Variants in RBFOX2 observed in about 807,000 individuals in gnomAD.
RBFOX2 encodes RNA binding protein fox-1 homolog 2.
RBFOX2 carries 10 observed loss-of-function variants against 49.1 expected under a neutral mutation model. That is an observed-to-expected ratio of 0.20 (90% CI 0.13 to 0.35). The LOEUF (loss-of-function observed/expected upper bound fraction) is 0.35, where lower values mean the gene tolerates loss of function less well. Ranked by LOEUF, RBFOX2 falls within the 10% of genes least tolerant of loss-of-function variation. RBFOX2 has a pLI of 1.00. For synonymous variants in RBFOX2, 183 were observed against 187.4 expected (o/e 0.98, Z 0.19); for missense variants, 323 against 486.9 (o/e 0.66, Z 3.17).
chr22:35,857,008 G>A (rs1019683838), intron 1 of RBFOX2, among the ~76,000 whole-genome samples: 1 of 152,164 alleles, frequency 6.6e-6, no homozygotes, highest in Non-Finnish European at 1.5e-5. Context: ...CTCCAGCATG[G>A]GTGACAGAGC....
intron 1 of RBFOX2, among the ~76,000 whole-genome samples, chr22:35,821,422 C>T (rs1019252670): frequency 6.6e-5 from 10 of 151,394 alleles, no homozygotes; most frequent in South Asian, 6.3e-4. Flanking sequence ...GCCAACATGG[C>T]GAAACCCCGT....
At chr22:36,008,557 T>C (rs1603465830) in intron 1 of RBFOX2, among the ~76,000 whole-genome samples, 1 of 152,140 alleles carries the variant, frequency 6.6e-6, no homozygotes, top group Admixed American at 6.5e-5. Context: ...TGGCTCATGC[T>C]TGTAATCCCA....
intron 2 of RBFOX2, among the ~76,000 whole-genome samples, chr22:35,783,292 C>A (rs1945606630): frequency 6.6e-6 from 1 of 152,242 alleles, no homozygotes; most frequent in African/African-American, 2.4e-5. Flanking sequence ...GGACTCAGAT[C>A]TCCCAAACTT....
chr22:35,980,262 TG>T (rs150627457), intron 1 of RBFOX2, among the ~76,000 whole-genome samples: 2 of 152,206 alleles, frequency 1.3e-5, no homozygotes, highest in African/African-American at 4.8e-5. Context: ...GGAAAAAGAA[TG>T]GGGGGAATCT....
At chr22:35,967,787 T>C (rs1430876671) in intron 1 of RBFOX2, among the ~76,000 whole-genome samples, 1 of 152,170 alleles carries the variant, frequency 6.6e-6, no homozygotes, top group Non-Finnish European at 1.5e-5. Flanking sequence ...CTGTTTCCAG[T>C]ACACACATCT....
At chr22:35,931,095 A>G (rs2052340589) in intron 1 of RBFOX2, among the ~76,000 whole-genome samples, 1 of 152,206 alleles carries the variant, frequency 6.6e-6, no homozygotes, top group Non-Finnish European at 1.5e-5. Context: ...TAGACACTAC[A>G]GCATATACCA....
At chr22:35,862,381 G>C (rs530031649) in intron 1 of RBFOX2, among the ~76,000 whole-genome samples, 193 of 150,532 alleles carry the variant, frequency 1.3e-3, no homozygotes, top group Non-Finnish European at 2.2e-3. Flanking sequence ...CTTTGGAGGG[G>C]GGGGGGAATG....
At chr22:35,753,615 C>A (rs1935765082) in intron 9 of RBFOX2, among the ~76,000 whole-genome samples, 1 of 150,542 alleles carries the variant, frequency 6.6e-6, no homozygotes, top group Non-Finnish European at 1.5e-5. Flanking sequence ...GCAAGGTAAT[C>A]CAGTTAGTAG....
chr22:35,845,599 TATTC>T (rs752085098), intron 1 of RBFOX2, among the ~76,000 whole-genome samples: 1 of 152,208 alleles, frequency 6.6e-6, no homozygotes, highest in Non-Finnish European at 1.5e-5. Context: ...TTGGGTAACT[TATTC>T]ATATCTTTAA....
chr22:35,833,424 C>T (rs889310431), intron 1 of RBFOX2, among the ~76,000 whole-genome samples: 4 of 152,118 alleles, frequency 2.6e-5, no homozygotes, highest in Admixed American at 6.6e-5. Context: ...TCATGGCCAA[C>T]AATGGAACTA....
chr22:35,862,793 C>T (rs533223597), intron 1 of RBFOX2, among the ~76,000 whole-genome samples: 5 of 152,192 alleles, frequency 3.3e-5, no homozygotes, highest in African/African-American at 4.8e-5. Flanking sequence ...TCAAGTTCTT[C>T]GTCTGGAAAA....
chr22:35,946,712 C>T (rs1424283747), intron 1 of RBFOX2, among the ~76,000 whole-genome samples: 1 of 152,210 alleles, frequency 6.6e-6, no homozygotes, highest in African/African-American at 2.4e-5. Context: ...GGCCATTCTG[C>T]CTCACTGTAA....
intron 1 of RBFOX2, among the ~76,000 whole-genome samples, chr22:36,027,196 T>G (rs1216399933): frequency 2.0e-5 from 3 of 152,160 alleles, no homozygotes; most frequent in African/African-American, 7.2e-5. Flanking sequence ...TCACCTACTA[T>G]GAGTAAGAAT....
intron 1 of RBFOX2, among the ~76,000 whole-genome samples, chr22:35,930,023 T>A (rs1044203191): frequency 1.4e-5 from 2 of 147,276 alleles, no homozygotes; most frequent in African/African-American, 5.1e-5. Flanking sequence ...AGAACTTTTT[T>A]TTTTTTTTTT....
intron 1 of RBFOX2, among the ~76,000 whole-genome samples, chr22:35,899,218 C>T (rs2048272691): frequency 6.7e-6 from 1 of 150,320 alleles, no homozygotes; most frequent in Non-Finnish European, 1.5e-5. Flanking sequence ...AAAAGACATA[C>T]CCTGCAGCAA....
At chr22:35,960,890 G>GT (rs950666063) in intron 1 of RBFOX2, among the ~76,000 whole-genome samples, 9 of 151,838 alleles carry the variant, frequency 5.9e-5, no homozygotes, top group Non-Finnish European at 1.3e-4. Flanking sequence ...CGCAATGGTT[G>GT]TATCACCAAC....
Position 35,977,761 on chromosome 22 carries a change from T to TATATAC in RBFOX2, c.187-38865_187-38864insGTATAT, listed in dbSNP as rs1259422253. 9.9e-3 allele frequency among the ~76,000 whole-genome samples: 899 copies of TATATAC among 90,846 alleles called. 26 individuals are homozygous for TATATAC. Among genetic ancestry groups the TATATAC allele is most frequent in the South Asian group, 0.016 (40 of 2,462 alleles). The allele number at this position is 90,846 out of a possible 152,430, so 59.6% of individuals were successfully genotyped here. ...ATATATATATATATATATATATATA[T>TATATAC]ACATGCACACACACACATATACATA... is the stretch of plus-strand genomic sequence containing the variant. On this transcript the variant is annotated intron_variant, in intron 1 of 13. Transcript: ENST00000438146.
intron 1 of RBFOX2, chr22:35,995,926 G>A (rs971953350): frequency 1.3e-5 from 2 of 152,178 alleles, no homozygotes; most frequent in East Asian, 1.9e-4. Context: ...AGATTCAGAC[G>A]ATTATGGAAA....
rs1334183502 is a variant in RBFOX2 at position 35,961,350 on chromosome 22, TTAAA to T, written c.42+209_42+212del. Among the ~76,000 whole-genome samples, 7 of 152,220 alleles carry T rather than the reference TTAAA, an allele frequency of 4.6e-5. No homozygotes were observed. In the East Asian group the frequency reaches 1.3e-3, roughly 29 times the overall value. On this transcript the variant is annotated intron_variant, in intron 1 of 5. Coordinates refer to the RBFOX2 transcript ENST00000408983. The stretch of plus-strand genomic sequence containing the variant: ...TGCTACATCTAGATGAGCTCCTTTG[TTAAA>T]TAAATGTCTTCTTTCAACAAAGAAA...
Sources: gnomAD v4.1 joint callset for allele counts (sites outside exome capture counted in the v4.1 genomes callset) on GRCh38, gnomAD v4.1.1 for gene constraint, MANE v1.5 for transcripts, NCBI Gene and HGNC (gene_info 2026-07-23, HGNC 2026-07-21) for gene names.